PCDHGA6: variants seen among roughly 807,000 people sequenced by gnomAD.
The protein encoded by PCDHGA6 is protocadherin gamma-A6.
PCDHGA6 carries 41 observed loss-of-function variants against 60.6 expected under a neutral mutation model. The observed-to-expected ratio is 0.68, with a 90% CI of 0.53 to 0.88. The LOEUF is 0.88. Ranked by LOEUF, PCDHGA6 falls within the 40% of genes least tolerant of loss-of-function variation. The pLI is 0.00. For missense variants in PCDHGA6, 1,312 were observed against 1,203.0 expected (o/e 1.09, Z -1.34); for synonymous variants, 594 against 524.4 (o/e 1.13, Z -1.81).
intron 2 of PCDHGA6, among the ~76,000 whole-genome samples, chr5:141,502,194 T>C (rs1470985683): frequency 2.6e-5 from 4 of 152,212 alleles, no homozygotes; most frequent in Non-Finnish European, 4.4e-5. Flanking sequence ...TACAATAATA[T>C]AGAATCCACC....
chr5:141,486,561 T>C lies in PCDHGA6; in HGVS notation c.2425-8246T>C. ...TTCTTTCAGAGGTCACATGAGGTGT[T>C]TGTTCCTGAGAACAATCGCCCAGGG... On this transcript the variant is annotated intron_variant, in intron 1 of 3. Transcript: ENST00000517434. This position sits in a 1 kb window ranked among gnomAD's most constrained non-coding sequence, Gnocchi z 5.0. 6.2e-7 allele frequency: 1 copy of C among 1,614,076 alleles called. No individual in the cohort carries two copies. Among genetic ancestry groups the C allele is most frequent in the Non-Finnish European group, 8.5e-7 (1 of 1,180,030 alleles).
chr5:141,483,786 C>T (rs2099587125), intron 1 of PCDHGA6, among the ~76,000 whole-genome samples: 1 of 152,136 alleles, frequency 6.6e-6, no homozygotes, highest in African/African-American at 2.4e-5. Context: ...AGGATAAGAA[C>T]TCCAGTTGTT....
At chr5:141,403,116 A>G (rs1313523426) in intron 1 of PCDHGA6, 6 of 1,614,042 alleles carry the variant, frequency 3.7e-6, no homozygotes, top group Non-Finnish European at 5.1e-6. Flanking sequence ...CTGGCTCTGG[A>G]GCCCCGGGAG....
At chr5:141,385,876 G>A (rs1395840676) in intron 1 of PCDHGA6, 1 of 152,842 alleles carries the variant, frequency 6.5e-6, no homozygotes, top group Non-Finnish European at 1.5e-5. Flanking sequence ...TTGGATTTAT[G>A]CCTAAAGAAT....
chr5:141,390,399 G>A (rs545358089), intron 1 of PCDHGA6: 2 of 1,359,380 alleles, frequency 1.5e-6, no homozygotes, highest in Non-Finnish European at 2.0e-6. Context: ...GATCATTTTA[G>A]GAAAGTTGTA....
At chr5:141,448,069 T>G (rs1184496754) in intron 1 of PCDHGA6, among the ~76,000 whole-genome samples, 1 of 151,202 alleles carries the variant, frequency 6.6e-6, no homozygotes, top group African/African-American at 2.4e-5. Context: ...CTGGGCAACA[T>G]GAACGAAATG....
chr5:141,406,331 C>T lies in PCDHGA6; in HGVS notation c.2424+29824C>T, dbSNP rs577134835. 6.6e-5 allele frequency among the ~76,000 whole-genome samples: 10 copies of T among 152,002 alleles called. No homozygotes were observed. In the East Asian group the frequency reaches 1.3e-3, roughly 21 times the overall value. ...CTCACCCAGCAAATTCTTACTCCTA[C>T]GATCATTTATTCAGGTCATACTATG... On this transcript the variant is annotated intron_variant, in intron 1 of 3. Coordinates refer to ENST00000517434, the MANE Select transcript of PCDHGA6 (RefSeq NM_018919.3).
chr5:141,394,644 G>A, intron 1 of PCDHGA6: 2 of 1,613,358 alleles, frequency 1.2e-6, no homozygotes, highest in Non-Finnish European at 1.7e-6. Flanking sequence ...CCTGCTCAAG[G>A]CCAGCGAGCC....
rs771162532 is a variant in PCDHGA6, at chr5:141,491,756, C to A, written c.2425-3051C>A. On this transcript the variant is annotated intron_variant, in intron 1 of 3. Transcript: ENST00000517434. The surrounding 1 kb of genome is among the most constrained non-coding windows in gnomAD (Gnocchi z 6.9). ...CCTGGGGGCGGCACTGGAGAAGCCGCCCGTCCTCATAAGGGATTGAACTTG... is the reference window on the plus strand; with the variant it reads ...CCTGGGGGCGGCACTGGAGAAGCCGACCGTCCTCATAAGGGATTGAACTTG... The A allele has an allele frequency of 6.3e-7, 1 of 1,581,720 alleles. No individual in the cohort carries two copies. Among genetic ancestry groups the A allele is most frequent in the Middle Eastern group, 1.7e-4 (1 of 5,958 alleles).
intron 1 of PCDHGA6, chr5:141,419,118 T>C: frequency 6.2e-7 from 1 of 1,613,806 alleles, no homozygotes; most frequent in South Asian, 1.1e-5. Context: ...GAGTACAACG[T>C]CACCATCGCA....
At position 141,388,901 on chromosome 5, in the gene PCDHGA6, T is replaced by G. The variant is rs776637275; in HGVS notation, c.2424+12394T>G. The G allele has an allele frequency of 2.5e-6, 4 of 1,613,722 alleles. No homozygotes were observed. The African/African-American group carries it at 5.3e-5, about 22-fold the overall frequency. On this transcript the variant is annotated intron_variant, in intron 1 of 3. Coordinates refer to ENST00000517434, the MANE Select transcript of PCDHGA6 (RefSeq NM_018919.3). ...TGGAGGTAGAAGTCATAGATGAAAA[T>G]GACAACGCCCCAGAAGTGATATTCC...
chr5:141,399,138 T>C (rs757310717), intron 1 of PCDHGA6: 3 of 1,613,774 alleles, frequency 1.9e-6, no homozygotes, highest in Non-Finnish European at 2.5e-6. Context: ...AAGATGAAAA[T>C]GACAATAGCC....
At chr5:141,447,230 C>G (rs1309076828) in intron 1 of PCDHGA6, among the ~76,000 whole-genome samples, 1 of 152,132 alleles carries the variant, frequency 6.6e-6, no homozygotes, top group Non-Finnish European at 1.5e-5. Flanking sequence ...ACCTCCGCCT[C>G]CCGGGTTCAA....
rs1417595608 is a variant in PCDHGA6, at chr5:141,375,334, G to C, written c.1251G>C (p.Leu417Phe). Residue 417 changes from leucine to phenylalanine, a missense_variant, in exon 1 of 4, where the codon TTG (leucine) becomes TTC (phenylalanine). Coordinates refer to ENST00000517434, the MANE Select transcript of PCDHGA6 (RefSeq NM_018919.3). ...NAALDREEVFLYNITVTATDK... is the reference protein window; with the variant it reads ...NAALDREEVFFYNITVTATDK... ...CTCTAGACCGGGAAGAGGTATTCTTGTACAACATCACTGTGACAGCCACGG... is the reference window on the plus strand; with the variant it reads ...CTCTAGACCGGGAAGAGGTATTCTTCTACAACATCACTGTGACAGCCACGG... 3 of 1,613,802 alleles carry C rather than the reference G, an allele frequency of 1.9e-6. No homozygotes were observed. Among genetic ancestry groups the C allele is most frequent in the East Asian group, 2.2e-5 (1 of 44,878 alleles).
At chr5:141,430,115 A>G (rs930805574) in intron 1 of PCDHGA6, among the ~76,000 whole-genome samples, 1 of 152,194 alleles carries the variant, frequency 6.6e-6, no homozygotes, top group Non-Finnish European at 1.5e-5. Context: ...CATGTCAACA[A>G]CCTGGTAAAG....
chr5:141,390,534 A>C (rs2092170785), intron 1 of PCDHGA6: 1 of 525,162 alleles, frequency 1.9e-6, no homozygotes, highest in Non-Finnish European at 3.3e-6. Context: ...TGTGGTTTTA[A>C]CCACAAAGTG....
At chr5:141,467,208 A>G (rs1272958649) in intron 1 of PCDHGA6, among the ~76,000 whole-genome samples, 1 of 152,064 alleles carries the variant, frequency 6.6e-6, no homozygotes, top group East Asian at 1.9e-4. Flanking sequence ...ACATGCCACC[A>G]TGCCTGGCTA....
chr5:141,404,906 C>G, intron 1 of PCDHGA6: 8 of 1,613,864 alleles, frequency 5.0e-6, no homozygotes, highest in Non-Finnish European at 5.1e-6. Context: ...CCATGGCCAG[C>G]CCCCTCTCTC....
At position 141,490,840 on chromosome 5, in the gene PCDHGA6, G is replaced by C. The variant is rs1177428192; in HGVS notation, c.2425-3967G>C. On this transcript the variant is annotated intron_variant, in intron 1 of 3. Transcript: ENST00000517434. This position sits in a 1 kb window ranked among gnomAD's most constrained non-coding sequence, Gnocchi z 5.4. Reference sequence around the variant, plus strand: ...ATTGCTGCAGATGCTGCAGATTGTGGTGGGGGTTCGAGACTCCGGCTCTCC... The same window carrying C: ...ATTGCTGCAGATGCTGCAGATTGTGCTGGGGGTTCGAGACTCCGGCTCTCC... 2 of 1,613,900 alleles carry C rather than the reference G, an allele frequency of 1.2e-6. No homozygotes were observed. Among genetic ancestry groups the C allele is most frequent in the Middle Eastern group, 3.3e-4 (2 of 6,058 alleles).
Sources: allele counts gnomAD v4.1 joint callset (sites outside exome capture counted in the v4.1 genomes callset), GRCh38; gene constraint gnomAD v4.1.1; non-coding constraint Gnocchi (gnomAD v3.1); transcripts MANE v1.5; gene names NCBI Gene and HGNC (gene_info 2026-07-23, HGNC 2026-07-21).